TRPM8: variants seen among roughly 807,000 people sequenced by gnomAD.
TRPM8 encodes TRPM8 cationic channel.
In TRPM8, 110 loss-of-function variants were observed where a neutral mutation model predicts 133.7. The ratio of observed to expected loss-of-function variants is 0.82; its 90% CI spans 0.70 to 0.96. TRPM8 has a LOEUF of 0.96. Among genes scored for constraint, TRPM8 ranks in the 40% least tolerant of loss-of-function variants. TRPM8 has a pLI of 0.00. For missense variants in TRPM8, 1,291 were observed against 1,379.5 expected, an observed-to-expected ratio of 0.94 and a Z score of 1.02; for synonymous variants, 535 against 532.3, an observed-to-expected ratio of 1.01 and a Z score of -0.07.
At chr2:233,998,104 T>C (rs1036638846) in intron 22 of TRPM8, among the ~76,000 whole-genome samples, 5 of 152,130 alleles carry the variant, frequency 3.3e-5, no homozygotes, top group African/African-American at 1.2e-4. Flanking sequence ...CTGGCCTTTT[T>C]CCTCATCCCT....
chr2:233,923,962 AAAG>A (rs1255600803), intron 1 of TRPM8, among the ~76,000 whole-genome samples: 1 of 152,226 alleles, frequency 6.6e-6, no homozygotes, highest in Non-Finnish European at 1.5e-5. Context: ...TGCTGGGCAG[AAAG>A]AAGAGCAGGG....
intron 1 of TRPM8, among the ~76,000 whole-genome samples, chr2:233,921,639 C>CTT (rs71058584): frequency 1.2e-4 from 17 of 143,654 alleles, no homozygotes; most frequent in African/African-American, 4.1e-4. Context: ...TTTTTCTTTT[C>CTT]TTTTTTTTCT....
At chr2:234,008,796 T>C (rs1156778575) in intron 24 of TRPM8, among the ~76,000 whole-genome samples, 1 of 152,200 alleles carries the variant, frequency 6.6e-6, no homozygotes, top group Non-Finnish European at 1.5e-5. Context: ...TTGACCATAG[T>C]AGAGCCTTAA....
intron 2 of TRPM8, among the ~76,000 whole-genome samples, chr2:233,927,833 TTCCTTCCTTCCTTC>T (rs1691574657): frequency 7.0e-5 from 6 of 86,100 alleles, no homozygotes; most frequent in Admixed American, 2.5e-4. Flanking sequence ...CCTTCCTTCC[TTCCTTCCTTCCTTC>T]CTTCCTTTCT....
intron 17 of TRPM8, among the ~76,000 whole-genome samples, chr2:233,979,923 G>A (rs958921559): frequency 2.6e-5 from 4 of 152,076 alleles, no homozygotes; most frequent in African/African-American, 9.7e-5. Context: ...GGTTCCTCTT[G>A]AAAAAATGGT....
chr2:233,932,055 C>T (rs1222991844), intron 3 of TRPM8, among the ~76,000 whole-genome samples: 1 of 152,182 alleles, frequency 6.6e-6, no homozygotes, highest in African/African-American at 2.4e-5. Flanking sequence ...CTAAGAATGG[C>T]GTTGCTTTGG....
At chr2:233,967,727 G>A (rs12995095) in intron 15 of TRPM8, among the ~76,000 whole-genome samples, 20,645 of 152,206 alleles carry the variant, frequency 0.14, 1,456 homozygotes, top group African/African-American at 0.15. Flanking sequence ...TGCGGAGAGC[G>A]TCTTGCTATT....
At chr2:234,001,473 G>T (rs1410018766) in intron 22 of TRPM8, among the ~76,000 whole-genome samples, 1 of 151,788 alleles carries the variant, frequency 6.6e-6, no homozygotes, top group East Asian at 1.9e-4. Context: ...ACATCATTGA[G>T]TTCTGATAAA....
chr2:234,010,368 T>G (rs145983783), intron 24 of TRPM8, among the ~76,000 whole-genome samples: 1 of 152,252 alleles, frequency 6.6e-6, no homozygotes. Context: ...CACATTTTCT[T>G]TATCCATTGA....
intron 17 of TRPM8, among the ~76,000 whole-genome samples, chr2:233,973,089 C>T (rs974221304): frequency 2.0e-5 from 3 of 152,234 alleles, no homozygotes; most frequent in Admixed American, 6.5e-5. Context: ...TCAGGCTTCA[C>T]CTACCAGCAA....
At chr2:233,952,973 G>A (rs1169847388) in intron 9 of TRPM8, among the ~76,000 whole-genome samples, 1 of 152,104 alleles carries the variant, frequency 6.6e-6, no homozygotes, top group African/African-American at 2.4e-5. Context: ...CTGAACAAAG[G>A]CTGCAGACAG....
intron 17 of TRPM8, among the ~76,000 whole-genome samples, chr2:233,974,422 C>T (rs963798179): frequency 6.6e-5 from 10 of 152,142 alleles, no homozygotes; most frequent in Admixed American, 2.0e-4. Flanking sequence ...TTAGTAGAGA[C>T]GGGGTTTCAC....
chr2:233,980,696 C>T (rs1414386634), intron 18 of TRPM8, among the ~76,000 whole-genome samples: 1 of 152,154 alleles, frequency 6.6e-6, no homozygotes, highest in Non-Finnish European at 1.5e-5. Flanking sequence ...AAATTGAGAA[C>T]TTTGATTTGA....
At chr2:233,955,466 A>G (rs1008720149) in intron 11 of TRPM8, 47 of 404,382 alleles carry the variant, frequency 1.2e-4, no homozygotes, top group African/African-American at 8.6e-4. Flanking sequence ...AATAAAAATA[A>G]ATGGTATAAA....
chr2:233,928,391 A>G (rs757285730), intron 2 of TRPM8, among the ~76,000 whole-genome samples: 1 of 151,422 alleles, frequency 6.6e-6, no homozygotes, highest in African/African-American at 2.5e-5. Flanking sequence ...TGCTGAGACC[A>G]TGCAAGAGCA....
intron 24 of TRPM8, among the ~76,000 whole-genome samples, chr2:234,014,202 G>A (rs1431301606): frequency 6.6e-6 from 1 of 151,988 alleles, no homozygotes; most frequent in Non-Finnish European, 1.5e-5. Context: ...AACTTAATTA[G>A]TATCTTATAC....
Position 233,963,749 on chromosome 2 carries a change from C to G in TRPM8, c.1749+372C>G, listed in dbSNP as rs1691496796. Among the ~76,000 whole-genome samples the G allele has an allele frequency of 2.6e-5, 4 of 152,154 alleles. 1 individual carries two copies. Among genetic ancestry groups the G allele is most frequent in the Non-Finnish European group, 1.5e-5 (1 of 68,034 alleles). The stretch of plus-strand genomic sequence containing the variant: ...CTTTGGAAAGTTTATGGAGAATTTT[C>G]CTTGTGATTTAGCATGTAAGGACTT... On this transcript the variant is annotated intron_variant, in intron 13 of 25. Coordinates refer to ENST00000324695, the MANE Select transcript of TRPM8 (RefSeq NM_024080.5).
At chr2:233,957,698 G>A (rs969121628) in intron 11 of TRPM8, among the ~76,000 whole-genome samples, 15 of 152,196 alleles carry the variant, frequency 9.9e-5, no homozygotes, top group African/African-American at 3.4e-4. Flanking sequence ...GTATCTGGAA[G>A]CTGGAGATGC....
At chr2:233,982,985 GC>G in intron 19 of TRPM8, 67 bp from the exon 20 acceptor site, 8 of 1,550,644 alleles carry the variant, frequency 5.2e-6, no homozygotes, top group Non-Finnish European at 7.0e-6. Flanking sequence ...ACTGAGGACG[GC>G]CGGGCCGGGG....
Sources: allele counts gnomAD v4.1 joint callset (sites outside exome capture counted in the v4.1 genomes callset), GRCh38; gene constraint gnomAD v4.1.1; transcripts MANE v1.5; gene names NCBI Gene and HGNC (gene_info 2026-07-23, HGNC 2026-07-21).